The following GTF2H5 variants were observed in gnomAD, a reference collection of about 807,000 sequenced individuals.
GTF2H5 encodes the protein TFB5 ortholog.
In GTF2H5, 5 loss-of-function variants were observed where a neutral mutation model predicts 7.1. That is an observed-to-expected ratio of 0.71 (90% confidence interval 0.37 to 1.49). The LOEUF is 1.49. Ranked by LOEUF, GTF2H5 falls within the 40% of genes most tolerant of loss-of-function variation. The pLI, the probability that GTF2H5 is intolerant of heterozygous loss-of-function variation, is 0.03. For missense variants in GTF2H5, 80 were observed against 83.0 expected (o/e 0.96, Z 0.14); for synonymous variants, 30 against 31.7 (o/e 0.95, Z 0.18).
chr6:158,182,813 G>T (rs534953382), intron 2 of GTF2H5, among the ~76,000 whole-genome samples: 15 of 152,040 alleles, frequency 9.9e-5, no homozygotes, highest in African/African-American at 3.6e-4. Context: ...CCTTGCGATG[G>T]GTAGAACATC....
intron 2 of GTF2H5, among the ~76,000 whole-genome samples, chr6:158,178,203 C>T (rs530299331): frequency 2.6e-5 from 4 of 152,224 alleles, no homozygotes; most frequent in Middle Eastern, 3.4e-3. Context: ...CCTGGCTGGG[C>T]GCGGTGGCTC....
intron 2 of GTF2H5, among the ~76,000 whole-genome samples, chr6:158,175,380 G>A (rs781669900): frequency 9.2e-5 from 14 of 152,336 alleles, no homozygotes; most frequent in Non-Finnish European, 1.6e-4. Flanking sequence ...TGATGGAAGT[G>A]TAATCCCAAG....
chr6:158,190,731 C>T (rs1385726386), intron 2 of GTF2H5: 2 of 402,334 alleles, frequency 5.0e-6, no homozygotes, highest in Non-Finnish European at 4.9e-6. Flanking sequence ...TAAATTGTTA[C>T]CTTTACAATT....
At chr6:158,190,512 G>C in intron 2 of GTF2H5, 1 of 319,304 alleles carries the variant, frequency 3.1e-6, no homozygotes, top group South Asian at 2.6e-5. Flanking sequence ...CAACCCAGCA[G>C]CCAATATGAT....
rs1251103720 is a variant in GTF2H5, at chr6:158,181,990, C to A, written c.36-9987C>A. Among the ~76,000 whole-genome samples the A allele has an allele frequency of 2.0e-5, 3 of 152,160 alleles. No homozygotes were observed. In the East Asian group the frequency reaches 5.8e-4, roughly 29 times the overall value. The stretch of plus-strand genomic sequence containing the variant: ...AGCATCGATGGTCTTTACAATTTGG[C>A]ATGTTTTTGCAGTGGCTGGTACCGG... On this transcript the variant is annotated intron_variant, in intron 2 of 2. Transcript: ENST00000607778.
At position 158,169,653 on chromosome 6, in the gene GTF2H5, A is replaced by ATATAATATATTGTATAT. The variant is rs1562468961; in HGVS notation, c.-34-817_-34-816insTATAATATATTGTATAT. Among the ~76,000 whole-genome samples the ATATAATATATTGTATAT allele has an allele frequency of 6.4e-5, 3 of 47,234 alleles. 1 individual carries two copies. Among genetic ancestry groups the ATATAATATATTGTATAT allele is most frequent in the African/African-American group, 5.5e-4 (3 of 5,444 alleles). 31.0% of individuals were successfully genotyped at this position (47,234 alleles called of 152,430 possible). ...TTGTATATTACATATATTGTATATT[A>ATATAATATATTGTATAT]CATATAATATATTGTATATTATATA... is the stretch of plus-strand genomic sequence containing the variant. On this transcript the variant is annotated intron_variant, in intron 1 of 2. Transcript: ENST00000607778.
At position 158,197,640 on chromosome 6, in the gene GTF2H5, T is replaced by G. The variant is rs937425824; in HGVS notation, c.*5483T>G. On this transcript the variant is annotated 3_prime_UTR_variant, in exon 3 of 3. Transcript: ENST00000607778. ...TATCATCTGCTTATTATGAGAGTGT[T>G]TCGAGAGAAATCCAAAGCTTAGCAG... 2.6e-5 allele frequency: 4 copies of G among 152,120 alleles called. No homozygotes were observed. Among genetic ancestry groups the G allele is most frequent in the Non-Finnish European group, 4.4e-5 (3 of 68,028 alleles). 9.4% of individuals were successfully genotyped at this position (152,120 alleles called of 1,614,324 possible).
intron 1 of GTF2H5, among the ~76,000 whole-genome samples, chr6:158,169,514 T>A (rs371086362): frequency 0.045 from 3,302 of 73,980 alleles, 193 homozygotes; most frequent in Non-Finnish European, 0.051. Flanking sequence ...ATATTGTATA[T>A]TATATATAAT....
Position 158,185,691 on chromosome 6 carries a change from G to A in GTF2H5, c.36-6286G>A, listed in dbSNP as rs114948515. 9.8e-3 allele frequency among the ~76,000 whole-genome samples: 1,496 copies of A among 152,174 alleles called. 26 individuals are homozygous for A. Among genetic ancestry groups the A allele is most frequent in the African/African-American group, 0.034 (1,397 of 41,504 alleles). ...CCATTAGTGTTCAAGATGATTTGAA[G>A]AACATACATTTTGGGGGAGTAGAAT... is the stretch of plus-strand genomic sequence containing the variant. On this transcript the variant is annotated intron_variant, in intron 2 of 2. Transcript: ENST00000607778.
intron 2 of GTF2H5, among the ~76,000 whole-genome samples, chr6:158,183,135 C>T (rs565225340): frequency 6.6e-6 from 1 of 152,248 alleles, no homozygotes; most frequent in Non-Finnish European, 1.5e-5. Context: ...CAGACAGGAC[C>T]CTCAGCTGCA....
chr6:158,185,789 C>T (rs1776911234), intron 2 of GTF2H5, among the ~76,000 whole-genome samples: 1 of 151,894 alleles, frequency 6.6e-6, no homozygotes, highest in Admixed American at 6.6e-5. Flanking sequence ...GGGTGGGTTG[C>T]TTGAGTCCAG....
chr6:158,168,776 T>C (rs1402942879), intron 1 of GTF2H5, among the ~76,000 whole-genome samples: 1 of 152,220 alleles, frequency 6.6e-6, no homozygotes, highest in Non-Finnish European at 1.5e-5. Flanking sequence ...CGGCTTAATC[T>C]CTTCCTTTGG....
chr6:158,169,507 T>A (rs192914297), intron 1 of GTF2H5, among the ~76,000 whole-genome samples: 2 of 57,952 alleles, frequency 3.5e-5, no homozygotes, highest in Non-Finnish European at 5.5e-5. Context: ...ATATAATATA[T>A]TGTATATTAT....
Position 158,173,443 on chromosome 6 carries a change from G to A in GTF2H5, c.35+2905G>A, listed in dbSNP as rs997580484. Among the ~76,000 whole-genome samples the A allele has an allele frequency of 2.6e-5, 4 of 152,148 alleles. No individual in the cohort carries two copies. The East Asian group carries it at 5.8e-4, about 22-fold the overall frequency. On this transcript the variant is annotated intron_variant, in intron 2 of 2. Transcript: ENST00000607778. ...AGATGCAGATGTTAGGATGGTAACT[G>A]GAAAAGTCCTTCAGTTTCCCTCATG...
intron 2 of GTF2H5, among the ~76,000 whole-genome samples, chr6:158,179,458 T>C (rs1039083633): frequency 2.0e-5 from 3 of 152,232 alleles, no homozygotes; most frequent in Non-Finnish European, 2.9e-5. Context: ...TTTCACGATA[T>C]TGATTCTTCC....
intron 1 of GTF2H5, among the ~76,000 whole-genome samples, chr6:158,169,078 A>G (rs1785695061): frequency 6.6e-6 from 1 of 151,190 alleles, no homozygotes; most frequent in African/African-American, 2.4e-5. Flanking sequence ...TACTAAAAAT[A>G]CAAAATTTGG....
intron 1 of GTF2H5, among the ~76,000 whole-genome samples, chr6:158,169,359 CATAT>C (rs1162505623): frequency 4.5e-5 from 3 of 66,280 alleles, no homozygotes; most frequent in Admixed American, 3.4e-4. Flanking sequence ...ATATATAATA[CATAT>C]ATATAATATG....
chr6:158,190,337 G>A (rs1041039522), intron 2 of GTF2H5, among the ~76,000 whole-genome samples: 17 of 152,112 alleles, frequency 1.1e-4, no homozygotes, highest in African/African-American at 4.1e-4. Context: ...CTCATGTCCA[G>A]TATTAGCAAA....
At chr6:158,169,722 TATA>T (rs1168089872) in intron 1 of GTF2H5, among the ~76,000 whole-genome samples, 1 of 101,392 alleles carries the variant, frequency 9.9e-6, no homozygotes, top group African/African-American at 4.3e-5. Context: ...TTATATATTA[TATA>T]ATATATTGTA....
Sources: gnomAD v4.1 joint callset for allele counts (sites outside exome capture counted in the v4.1 genomes callset) on GRCh38, gnomAD v4.1.1 for gene constraint, MANE v1.5 for transcripts, NCBI Gene and HGNC (gene_info 2026-07-23, HGNC 2026-07-21) for gene names.